Variants in SUCLA2 observed in about 807,000 individuals in gnomAD.
The protein encoded by SUCLA2 is succinate-CoA ligase ADP-forming subunit beta.
A neutral mutation model predicts 54.8 loss-of-function variants in SUCLA2; 30 were observed. The ratio of observed to expected loss-of-function variants is 0.55; its 90% CI spans 0.41 to 0.74. The LOEUF (loss-of-function observed/expected upper bound fraction) is 0.74. Ranked by LOEUF, SUCLA2 falls within the 30% of genes least tolerant of loss-of-function variation. The pLI, the probability that SUCLA2 is intolerant of heterozygous loss-of-function variation, is 0.00. For synonymous variants in SUCLA2, 172 were observed against 188.9 expected, an observed-to-expected ratio of 0.91 and a Z score of 0.74; for missense variants, 476 against 562.9, an observed-to-expected ratio of 0.85 and a Z score of 1.56.
chr13:47,977,845 A>G (rs945946083), intron 4 of SUCLA2, among the ~76,000 whole-genome samples: 2 of 152,226 alleles, frequency 1.3e-5, no homozygotes, highest in Non-Finnish European at 2.9e-5. Context: ...AATGTGCAAA[A>G]ATCATAAGCA....
At chr13:47,963,159 C>T (rs9567963) in intron 6 of SUCLA2, among the ~76,000 whole-genome samples, 110,798 of 152,000 alleles carry the variant, frequency 0.73, 41,353 homozygotes, top group Non-Finnish European at 0.81. Flanking sequence ...TGGCTGTCTG[C>T]GCAGCAGGAC....
Position 47,969,824 on chromosome 13 carries a change from G to A in SUCLA2, c.664-1091C>T, listed in dbSNP as rs376912749. 4.6e-4 allele frequency among the ~76,000 whole-genome samples: 70 copies of A among 152,286 alleles called. 1 individual carries two copies. In the East Asian group the frequency reaches 7.9e-3, roughly 17 times the overall value. On this transcript the variant is annotated intron_variant, in intron 5 of 10. Transcript: ENST00000646932. ...ATGATCAAGCTAAACAATGTAGGCT[G>A]GGCGCAGTGGCTCAAGTCTGTAATA...
chr13:47,968,462 A>C, intron 6 of SUCLA2, 133 bp downstream of exon 6: 1 of 977,262 alleles, frequency 1.0e-6, no homozygotes, highest in Non-Finnish European at 1.5e-6. Flanking sequence ...TATTCATTCT[A>C]TCTGATTTTT....
intron 10 of SUCLA2, among the ~76,000 whole-genome samples, chr13:47,945,451 A>ACAAAAG (rs1949722217): frequency 7.3e-6 from 1 of 136,234 alleles, no homozygotes; most frequent in Non-Finnish European, 1.5e-5. Flanking sequence ...AAAATCAAGA[A>ACAAAAG]TCTACTATTG....
intron 1 of SUCLA2, 47 bp downstream of exon 1, chr13:48,001,133 C>A: frequency 6.4e-7 from 1 of 1,571,370 alleles, no homozygotes; most frequent in Admixed American, 1.9e-5. Flanking sequence ...ACACCTCACC[C>A]TTTCTCCTGC....
At chr13:47,948,377 G>A (rs1010938355) in intron 10 of SUCLA2, among the ~76,000 whole-genome samples, 3 of 145,600 alleles carry the variant, frequency 2.1e-5, no homozygotes, top group African/African-American at 4.9e-5. Context: ...GTGTGTGTGC[G>A]TGCATGTGTG....
In SUCLA2 at chr13:47,950,609, T is replaced by C. The variant is rs181712525; in HGVS notation, c.1108-1006A>G. ...GGTCAGCATTCTTTCAACATCACAA[T>C]GATAGTTCTGAATCAGTGTTCTCCT... On this transcript the variant is annotated intron_variant, in intron 8 of 10. Coordinates refer to ENST00000646932, the MANE Select transcript of SUCLA2 (RefSeq NM_003850.3). Among the ~76,000 whole-genome samples, 32 of 152,266 alleles carry C rather than the reference T, an allele frequency of 2.1e-4. No homozygotes were observed. The East Asian group carries it at 4.8e-3, about 23-fold the overall frequency.
intron 10 of SUCLA2, 107 bp downstream of exon 10, chr13:47,948,831 TAC>T: frequency 9.5e-7 from 1 of 1,047,648 alleles, no homozygotes; most frequent in Non-Finnish European, 1.5e-6. Context: ...AACCATTCAT[TAC>T]ACTCATAATA....
intron 2 of SUCLA2, 149 bp from the exon 3 acceptor site, chr13:47,989,130 GAT>G (rs1455804547): frequency 1.3e-6 from 1 of 755,038 alleles, no homozygotes; most frequent in Non-Finnish European, 2.2e-6. Context: ...TCTTTATGTA[GAT>G]TTTCTAGATT....
At chr13:47,972,948 C>T (rs993560866) in intron 5 of SUCLA2, among the ~76,000 whole-genome samples, 2 of 151,522 alleles carry the variant, frequency 1.3e-5, no homozygotes, top group Admixed American at 1.3e-4. Context: ...ACGGGGGTTT[C>T]ACCATATTGG....
chr13:47,946,439 CA>C (rs762233828), intron 10 of SUCLA2, among the ~76,000 whole-genome samples: 33 of 145,494 alleles, frequency 2.3e-4, no homozygotes, highest in African/African-American at 3.6e-4. Context: ...AAAAAACAAA[CA>C]AAAAAAAAAG....
chr13:47,998,669 A>AT (rs982431959), intron 1 of SUCLA2, among the ~76,000 whole-genome samples: 20 of 152,222 alleles, frequency 1.3e-4, no homozygotes, highest in African/African-American at 4.8e-4. Context: ...TACATGATTT[A>AT]TTTTTATAGC....
intron 6 of SUCLA2, among the ~76,000 whole-genome samples, chr13:47,961,154 T>C (rs1359616): frequency 0.94 from 142,430 of 152,220 alleles, 66,666 homozygotes; most frequent in East Asian, 1. Context: ...TTTGTTTATA[T>C]AGTTTTATTA....
chr13:47,987,636 T>G (rs764198477), intron 4 of SUCLA2: 1 of 152,214 alleles, frequency 6.6e-6, no homozygotes, highest in East Asian at 1.9e-4. Context: ...AAAAGACATA[T>G]CATTCAAACA....
chr13:47,985,849 C>T (rs1376886332), intron 4 of SUCLA2, among the ~76,000 whole-genome samples: 4 of 152,076 alleles, frequency 2.6e-5, no homozygotes, highest in East Asian at 3.9e-4. Context: ...TTTACACTCC[C>T]GTCAACACTG....
At chr13:47,944,660 T>C (rs1177715809) in intron 10 of SUCLA2, among the ~76,000 whole-genome samples, 1 of 152,222 alleles carries the variant, frequency 6.6e-6, no homozygotes, top group Non-Finnish European at 1.5e-5. Context: ...TCTGAAATAC[T>C]TTCTCCTACT....
chr13:47,972,735 T>C (rs542388843), intron 5 of SUCLA2, among the ~76,000 whole-genome samples: 1 of 147,146 alleles, frequency 6.8e-6, no homozygotes, highest in Non-Finnish European at 1.5e-5. Flanking sequence ...GATAGGGTAA[T>C]GGTATAGTGA....
chr13:48,000,452 T>C (rs549908321), intron 1 of SUCLA2, among the ~76,000 whole-genome samples: 50 of 152,346 alleles, frequency 3.3e-4, no homozygotes, highest in African/African-American at 1.0e-3. Context: ...ATGCAGGTGT[T>C]GAATGACTTC....
chr13:47,963,994 C>T (rs1284041868), intron 6 of SUCLA2, among the ~76,000 whole-genome samples: 1 of 152,130 alleles, frequency 6.6e-6, no homozygotes, highest in Admixed American at 6.5e-5. Context: ...AAAGGGAGGA[C>T]TTACAGTCAC....
Sources: gnomAD v4.1 joint callset for allele counts (sites outside exome capture counted in the v4.1 genomes callset) on GRCh38, gnomAD v4.1.1 for gene constraint, MANE v1.5 for transcripts, NCBI Gene and HGNC (gene_info 2026-07-23, HGNC 2026-07-21) for gene names.